FGF13: variants seen among roughly 807,000 people sequenced by gnomAD.
FGF13 encodes the protein fibroblast growth factor homologous factor 2.
A neutral mutation model predicts 19.5 loss-of-function variants in FGF13; 2 were observed. The observed-to-expected ratio is 0.10, with a 90% CI of 0.04 to 0.32. The LOEUF is 0.32. FGF13 is among the 10% of genes least tolerant of loss of function. The pLI, the probability that FGF13 is intolerant of heterozygous loss-of-function variation, is 1.00. For synonymous variants in FGF13, 72 were observed against 76.9 expected, an observed-to-expected ratio of 0.94 and a Z score of 0.33; for missense variants, 113 against 192.7, an observed-to-expected ratio of 0.59 and a Z score of 2.45.
intron 3 of FGF13, among the ~76,000 whole-genome samples, chrX:138,773,389 G>A (rs1242606435): frequency 8.9e-6 from 1 of 112,036 alleles, no homozygotes; most frequent in Non-Finnish European, 1.9e-5. Flanking sequence ...TGAAGTTGAT[G>A]AGCTTTCCAG....
chrX:138,853,643 G>GTC (rs1286622094), downstream of FGF13, among the ~76,000 whole-genome samples: 2 of 110,081 alleles, frequency 1.8e-5, no homozygotes, highest in East Asian at 5.7e-4. Flanking sequence ...GTGTGTGTGT[G>GTC]TGTGTGTAAT....
At chrX:139,144,891 A>G (rs2083875679) in intron 1 of FGF13, among the ~76,000 whole-genome samples, 1 of 111,827 alleles carries the variant, frequency 8.9e-6, no homozygotes, top group African/African-American at 3.3e-5. Flanking sequence ...ATATTCAGGT[A>G]TCAATTCCCT....
chrX:139,027,819 T>C (rs1019985002), intron 1 of FGF13, among the ~76,000 whole-genome samples: 1 of 111,888 alleles, frequency 8.9e-6, no homozygotes, highest in Non-Finnish European at 1.9e-5. Flanking sequence ...AGGAAATTTC[T>C]AGACTCAGAG....
intron 1 of FGF13, among the ~76,000 whole-genome samples, chrX:139,070,627 G>C (rs1456570056): frequency 8.9e-6 from 1 of 111,812 alleles, no homozygotes; most frequent in Non-Finnish European, 1.9e-5. Flanking sequence ...CCCATTACTG[G>C]GTGTATACCC....
At chrX:138,839,069 G>A (rs749849785) in intron 3 of FGF13, among the ~76,000 whole-genome samples, 1 of 111,479 alleles carries the variant, frequency 9.0e-6, no homozygotes, top group Non-Finnish European at 1.9e-5. Context: ...CTACCCTCAT[G>A]AATGAATTAA....
intron 3 of FGF13, among the ~76,000 whole-genome samples, chrX:138,836,821 T>A (rs920476817): frequency 8.9e-6 from 1 of 111,790 alleles, no homozygotes; most frequent in Admixed American, 9.5e-5. Context: ...TATTATTATT[T>A]CTCATCTTTG....
chrX:138,759,688 G>A (rs2090453608), intron 3 of FGF13, among the ~76,000 whole-genome samples: 1 of 111,589 alleles, frequency 9.0e-6, no homozygotes, highest in South Asian at 3.8e-4. Flanking sequence ...AAGGGGTATG[G>A]GCTGTGGAAT....
At chrX:138,999,502 A>T (rs1183260380) in intron 1 of FGF13, among the ~76,000 whole-genome samples, 2 of 111,839 alleles carry the variant, frequency 1.8e-5, no homozygotes, top group Non-Finnish European at 3.8e-5. Context: ...GATAAAGGGG[A>T]TATCATCACC....
intron 1 of FGF13, among the ~76,000 whole-genome samples, chrX:138,977,533 T>A (rs1338042186): frequency 8.9e-6 from 1 of 112,583 alleles, no homozygotes; most frequent in Non-Finnish European, 1.9e-5. Flanking sequence ...ACAATCACAT[T>A]CCATTCCTAA....
At chrX:138,977,441 A>G (rs1474349441) in intron 1 of FGF13, among the ~76,000 whole-genome samples, 2 of 112,257 alleles carry the variant, frequency 1.8e-5, no homozygotes, top group African/African-American at 6.5e-5. Context: ...AGTGGAATCA[A>G]TACTAACTTG....
In FGF13 at chrX:138,622,238, A is replaced by G. The variant is rs1343688483; in HGVS notation, c.*10612T>C. The stretch of plus-strand genomic sequence containing the variant: ...ACTAGCTAAAAGAACTTAACATCAC[A>G]TTAAAAAGATCATTCACCATAATCA... On this transcript the variant is annotated 3_prime_UTR_variant, in exon 5 of 5. Transcript: ENST00000315930. 1.8e-5 allele frequency: 2 copies of G among 111,821 alleles called. No homozygotes were observed. The highest frequency in any genetic ancestry group is 3.8e-5 in the Non-Finnish European group (2 of 53,149). 9.2% of individuals were successfully genotyped at this position (111,821 alleles called of 1,213,427 possible).
chrX:139,003,666 C>G (rs954976215), intron 1 of FGF13, among the ~76,000 whole-genome samples: 6 of 110,883 alleles, frequency 5.4e-5, no homozygotes, highest in African/African-American at 2.0e-4. Context: ...ACCAGAGCAG[C>G]TAGATACAGA....
At chrX:138,915,064 C>G (rs760660245) in intron 1 of FGF13, among the ~76,000 whole-genome samples, 7 of 111,200 alleles carry the variant, frequency 6.3e-5, no homozygotes, top group Non-Finnish European at 1.1e-4. Context: ...AGCCCTTAGC[C>G]ATGACTGATA....
chrX:139,135,895 G>A (rs2083795921), intron 1 of FGF13, among the ~76,000 whole-genome samples: 1 of 111,350 alleles, frequency 9.0e-6, no homozygotes, highest in African/African-American at 3.3e-5. Flanking sequence ...CCTTCATCAT[G>A]TCAAAATTTC....
Position 139,068,700 on chromosome X carries a change from A to G in FGF13, c.-113+134716T>C, listed in dbSNP as rs752882902. Among the ~76,000 whole-genome samples, 845 of 108,269 alleles carry G rather than the reference A, an allele frequency of 7.8e-3. 9 individuals are homozygous for G. The highest frequency in any genetic ancestry group is 0.027 in the African/African-American group (780 of 29,427). 94.0% of individuals were successfully genotyped at this position (108,269 alleles called of 115,157 possible). ...GTAGTTCTCCTTGAAGAGGTCCTTC[A>G]CATCCCTTGTAAGTTGGATTCCTAG... On this transcript the variant is annotated intron_variant, in intron 1 of 2. Transcript: ENST00000421460.
rs10666140 is a variant in FGF13 at position 138,978,266 on chromosome X, G to GTTTTTTTTTTTTTTT, written c.-112-113617_-112-113616insAAAAAAAAAAAAAAA. Among the ~76,000 whole-genome samples, 168 of 82,873 alleles carry GTTTTTTTTTTTTTTT rather than the reference G, an allele frequency of 2.0e-3. 7 individuals carry two copies. Among genetic ancestry groups the GTTTTTTTTTTTTTTT allele is most frequent in the African/African-American group, 7.8e-3 (160 of 20,386 alleles). The allele number at this position is 82,873 out of a possible 115,157, so 72.0% of individuals were successfully genotyped here. On this transcript the variant is annotated intron_variant, in intron 1 of 2. Transcript: ENST00000421460. ...TAATCTCTATGGGCTAGCTGCCCTGGTTTTTTTTTTTTTTGAGATGGAGTC... is the reference window on the plus strand; with the variant it reads ...TAATCTCTATGGGCTAGCTGCCCTGGTTTTTTTTTTTTTTTTTTTTTTTTTTTTTGAGATGGAGTC...
intron 1 of FGF13, among the ~76,000 whole-genome samples, chrX:139,169,025 G>A (rs2084108763): frequency 8.9e-6 from 1 of 111,761 alleles, no homozygotes; most frequent in African/African-American, 3.3e-5. Flanking sequence ...CACTTACTAT[G>A]TACCAGGCAC....
chrX:138,935,113 G>A (rs190115615), intron 1 of FGF13, among the ~76,000 whole-genome samples: 2 of 110,774 alleles, frequency 1.8e-5, no homozygotes, highest in East Asian at 2.9e-4. Flanking sequence ...CATCAGAATC[G>A]AAGTTTCAGA....
At chrX:138,665,033 A>AG (rs1311660003) in intron 3 of FGF13, among the ~76,000 whole-genome samples, 1 of 111,031 alleles carries the variant, frequency 9.0e-6, no homozygotes, top group African/African-American at 3.3e-5. Context: ...CTTTGTTTGT[A>AG]GGAAAGGGGT....
Sources: allele counts gnomAD v4.1 joint callset (sites outside exome capture counted in the v4.1 genomes callset), GRCh38; gene constraint gnomAD v4.1.1; transcripts MANE v1.5; gene names NCBI Gene and HGNC (gene_info 2026-07-23, HGNC 2026-07-21).